The following CNTNAP2 variants were observed in gnomAD, a reference collection of about 807,000 sequenced individuals.
CNTNAP2 encodes contactin associated protein 2, also known as contactin-associated protein-like 2.
Under a neutral mutation model 155.2 loss-of-function variants are expected in CNTNAP2, and 98 were observed. The ratio of observed to expected loss-of-function variants is 0.63; its 90% CI spans 0.54 to 0.75. The LOEUF (loss-of-function observed/expected upper bound fraction) is 0.75. Ranked by LOEUF, CNTNAP2 falls within the 30% of genes least tolerant of loss-of-function variation. CNTNAP2 has a pLI of 0.00. For missense variants in CNTNAP2, 1,727 were observed against 1,688.1 expected, an observed-to-expected ratio of 1.02 and a Z score of -0.40; for synonymous variants, 651 against 631.2, an observed-to-expected ratio of 1.03 and a Z score of -0.47.
chr7:147,967,256 T>C (rs1801232651), intron 14 of CNTNAP2, among the ~76,000 whole-genome samples: 2 of 152,214 alleles, frequency 1.3e-5, no homozygotes, highest in Non-Finnish European at 2.9e-5. Context: ...AATTTTCCTA[T>C]ATGATAAAAA....
intron 9 of CNTNAP2, among the ~76,000 whole-genome samples, chr7:147,339,554 A>C (rs1795724402): frequency 1.3e-5 from 2 of 152,172 alleles, no homozygotes; most frequent in African/African-American, 2.4e-5. Flanking sequence ...ACTCAGCCTC[A>C]GGTATTCTGT....
chr7:146,400,846 T>G (rs1233685525), intron 1 of CNTNAP2, among the ~76,000 whole-genome samples: 2 of 152,186 alleles, frequency 1.3e-5, no homozygotes, highest in Non-Finnish European at 2.9e-5. Context: ...CTGAATAACT[T>G]TGCAGGAATG....
At position 146,981,707 on chromosome 7, in the gene CNTNAP2, G is replaced by A. The variant is rs567531704; in HGVS notation, c.403-62200G>A. On this transcript the variant is annotated intron_variant, in intron 3 of 23. Coordinates refer to ENST00000361727, the MANE Select transcript of CNTNAP2 (RefSeq NM_014141.6). ...CAGGGGAAGAAAGATCCAGAAAAGT[G>A]GAATATTTTCATGAATCATTAAGTT... Among the ~76,000 whole-genome samples the A allele has an allele frequency of 7.6e-4, 115 of 152,176 alleles. 3 individuals are homozygous for A. The highest frequency in any genetic ancestry group is 3.4e-3 in the Middle Eastern group (1 of 294).
intron 1 of CNTNAP2, among the ~76,000 whole-genome samples, chr7:146,545,207 C>T (rs1798011703): frequency 6.6e-6 from 1 of 151,762 alleles, no homozygotes; most frequent in African/African-American, 2.4e-5. Flanking sequence ...TGTAATTTTC[C>T]TTCTTTCCTG....
At chr7:146,779,905 T>C (rs1041194560) in intron 2 of CNTNAP2, among the ~76,000 whole-genome samples, 1 of 152,210 alleles carries the variant, frequency 6.6e-6, no homozygotes, top group East Asian at 1.9e-4. Flanking sequence ...AACAGATGTT[T>C]GGAGAGACTG....
intron 9 of CNTNAP2, among the ~76,000 whole-genome samples, chr7:147,317,323 T>G (rs1795249581): frequency 6.6e-6 from 1 of 152,238 alleles, no homozygotes; most frequent in Non-Finnish European, 1.5e-5. Flanking sequence ...GACTTCCTGT[T>G]TCTCTTGTGA....
intron 15 of CNTNAP2, among the ~76,000 whole-genome samples, chr7:148,013,884 G>A (rs961154719): frequency 6.6e-6 from 1 of 152,144 alleles, no homozygotes. Context: ...AAATTGCTCT[G>A]AAATGGAGGA....
intron 1 of CNTNAP2, among the ~76,000 whole-genome samples, chr7:146,376,873 A>C (rs1351776490): frequency 6.6e-6 from 1 of 151,952 alleles, no homozygotes; most frequent in Admixed American, 6.6e-5. Flanking sequence ...TGCCTTTTCC[A>C]CCATGTCAGG....
At chr7:147,738,074 T>C (rs1012902979) in intron 13 of CNTNAP2, among the ~76,000 whole-genome samples, 3 of 152,128 alleles carry the variant, frequency 2.0e-5, no homozygotes, top group African/African-American at 7.2e-5. Flanking sequence ...AGTACCTCAG[T>C]TGGAAATGCA....
intron 10 of CNTNAP2, among the ~76,000 whole-genome samples, chr7:147,453,762 G>A (rs149762864): frequency 2.0e-5 from 3 of 152,144 alleles, no homozygotes; most frequent in East Asian, 3.9e-4. Flanking sequence ...TAACAAACCT[G>A]CACTTGTACT....
chr7:147,324,509 A>T (rs1188159663), intron 9 of CNTNAP2, among the ~76,000 whole-genome samples: 2 of 151,678 alleles, frequency 1.3e-5, no homozygotes, highest in Non-Finnish European at 2.9e-5. Context: ...ATTTATAGAA[A>T]GGTGTGTTCT....
intron 1 of CNTNAP2, among the ~76,000 whole-genome samples, chr7:146,321,181 A>G (rs10241465): frequency 0.11 from 16,198 of 152,212 alleles, 2,098 homozygotes; most frequent in African/African-American, 0.3. Flanking sequence ...GGTAGCCGAA[A>G]TGAAACCAAA....
chr7:148,042,383 A>G (rs1802694885), intron 15 of CNTNAP2, among the ~76,000 whole-genome samples: 1 of 152,032 alleles, frequency 6.6e-6, no homozygotes, highest in Non-Finnish European at 1.5e-5. Flanking sequence ...GGAAGGGAGG[A>G]GTTGTTGCCT....
intron 18 of CNTNAP2, among the ~76,000 whole-genome samples, chr7:148,199,199 G>C (rs1158521383): frequency 6.6e-6 from 1 of 152,118 alleles, no homozygotes; most frequent in African/African-American, 2.4e-5. Flanking sequence ...TAAAAATGCA[G>C]AAAAACTGAA....
chr7:148,003,566 A>C (rs1801930703), intron 15 of CNTNAP2, among the ~76,000 whole-genome samples: 1 of 152,232 alleles, frequency 6.6e-6, no homozygotes, highest in Non-Finnish European at 1.5e-5. Context: ...AGAGGGCACC[A>C]GAGGTCAAGA....
chr7:147,501,887 A>C lies in CNTNAP2; in HGVS notation c.1777+15846A>C, dbSNP rs142524785. On this transcript the variant is annotated intron_variant, in intron 11 of 23. Coordinates refer to ENST00000361727, the MANE Select transcript of CNTNAP2 (RefSeq NM_014141.6). ...CAAATTCAGTAAAGTGGCAGTATAC[A>C]AAATCATACAAAAATCAGTTTTGTT... Among the ~76,000 whole-genome samples, 1,009 of 152,330 alleles carry C rather than the reference A, an allele frequency of 6.6e-3. 10 individuals are homozygous for C. The highest frequency in any genetic ancestry group is 0.023 in the African/African-American group (950 of 41,572).
rs115652172 is a variant in CNTNAP2 at position 146,365,188 on chromosome 7, G to T, written c.97+248215G>T. ...ATGCATGTCTTTTACTCTAGCCATT[G>T]TGTGTTATCATAATCATGTCTACCC... On this transcript the variant is annotated intron_variant, in intron 1 of 23. Transcript: ENST00000361727. Among the ~76,000 whole-genome samples the T allele has an allele frequency of 6.5e-3, 995 of 152,150 alleles. 12 individuals carry two copies. Among genetic ancestry groups the T allele is most frequent in the African/African-American group, 0.023 (948 of 41,510 alleles).
chr7:148,230,593 G>A (rs1795944282), intron 20 of CNTNAP2, among the ~76,000 whole-genome samples: 1 of 152,210 alleles, frequency 6.6e-6, no homozygotes, highest in African/African-American at 2.4e-5. Flanking sequence ...ACCTCATTCT[G>A]ATTCGGCTGG....
At chr7:147,717,545 G>A (rs1796499607) in intron 13 of CNTNAP2, among the ~76,000 whole-genome samples, 1 of 152,078 alleles carries the variant, frequency 6.6e-6, no homozygotes, top group Admixed American at 6.6e-5. Flanking sequence ...CCACCTTGGG[G>A]TTTTATTTCT....
Sources: gnomAD v4.1 joint callset for allele counts (sites outside exome capture counted in the v4.1 genomes callset) on GRCh38, gnomAD v4.1.1 for gene constraint, MANE v1.5 for transcripts, NCBI Gene and HGNC (gene_info 2026-07-23, HGNC 2026-07-21) for gene names.